The following TRPC1 variants were observed in gnomAD, a reference collection of about 807,000 sequenced individuals.
The protein encoded by TRPC1 is transient receptor potential cation channel subfamily C member 1.
Under a neutral mutation model 88.2 loss-of-function variants are expected in TRPC1, and 42 were observed. That is an observed-to-expected ratio of 0.48 (90% confidence interval 0.37 to 0.62). TRPC1 has a LOEUF of 0.62. Ranked by LOEUF, TRPC1 falls within the 20% of genes least tolerant of loss-of-function variation. The pLI, the probability that TRPC1 is intolerant of heterozygous loss-of-function variation, is 0.00. For missense variants in TRPC1, 699 were observed against 957.3 expected (o/e 0.73, Z 3.56); for synonymous variants, 288 against 331.8 (o/e 0.87, Z 1.43).
chr3:142,797,123 G>A (rs1489038284), intron 9 of TRPC1, among the ~76,000 whole-genome samples: 4 of 150,892 alleles, frequency 2.7e-5, no homozygotes, highest in East Asian at 2.0e-4. Context: ...TTCTGTTTTT[G>A]ACCTCATGCT....
At chr3:142,753,387 T>G (rs1340979873) in intron 4 of TRPC1, among the ~76,000 whole-genome samples, 1 of 152,154 alleles carries the variant, frequency 6.6e-6, no homozygotes, top group African/African-American at 2.4e-5. Flanking sequence ...GAGAAAACAT[T>G]TGTACGAAAT....
chr3:142,734,231 C>T (rs568548385), intron 1 of TRPC1, among the ~76,000 whole-genome samples: 2 of 151,784 alleles, frequency 1.3e-5, no homozygotes, highest in South Asian at 2.1e-4. Flanking sequence ...TGTCATACAG[C>T]GACTACAAAA....
intron 8 of TRPC1, among the ~76,000 whole-genome samples, chr3:142,791,881 A>T (rs913282775): frequency 1.3e-5 from 2 of 152,026 alleles, no homozygotes; most frequent in African/African-American, 4.8e-5. Flanking sequence ...CTTTCATCAG[A>T]ATTTAAGCTC....
At chr3:142,759,691 A>C (rs1380860850) in intron 4 of TRPC1, among the ~76,000 whole-genome samples, 1 of 152,142 alleles carries the variant, frequency 6.6e-6, no homozygotes, top group African/African-American at 2.4e-5. Flanking sequence ...TAGTTTAATT[A>C]GATCCCATTT....
intron 4 of TRPC1, among the ~76,000 whole-genome samples, chr3:142,777,286 C>T (rs1032415845): frequency 5.3e-5 from 8 of 151,946 alleles, no homozygotes; most frequent in African/African-American, 7.3e-5. Flanking sequence ...GGTGACAGAG[C>T]GAGACCCTGT....
chr3:142,728,931 G>A (rs943054126), intron 1 of TRPC1, among the ~76,000 whole-genome samples: 1 of 152,114 alleles, frequency 6.6e-6, no homozygotes, highest in African/African-American at 2.4e-5. Flanking sequence ...AATGTAAGGA[G>A]GTATGTGCTG....
At chr3:142,793,869 CCTGAT>C (rs1343391113) in intron 9 of TRPC1, 18 of 985,060 alleles carry the variant, frequency 1.8e-5, no homozygotes, top group Non-Finnish European at 1.9e-5. Flanking sequence ...ATAGGAAAAA[CCTGAT>C]TTGATTAGGC....
rs1205962128 is a variant in TRPC1 at position 142,776,780 on chromosome 3, G to A, written c.633-852G>A. On this transcript the variant is annotated intron_variant, in intron 4 of 12. Transcript: ENST00000476941. This position sits in a 1 kb window ranked among gnomAD's most constrained non-coding sequence, Gnocchi z 4.1. ...TAGCCAGGCGTGGTGGCACATGCCT[G>A]TAATCCCAGCTACTTGGGAGGCTGA... 1.3e-5 allele frequency among the ~76,000 whole-genome samples: 2 copies of A among 151,928 alleles called. No individual in the cohort carries two copies. Among genetic ancestry groups the A allele is most frequent in the Non-Finnish European group, 2.9e-5 (2 of 68,008 alleles).
In TRPC1 at chr3:142,724,694, G is replaced by A. The variant is rs1204684733; in HGVS notation, c.135G>A (p.Thr45=). 2 of 1,606,090 alleles carry A rather than the reference G, an allele frequency of 1.2e-6. No homozygotes were observed. Among genetic ancestry groups the A allele is most frequent in the Non-Finnish European group, 8.5e-7 (1 of 1,175,038 alleles). ...KDVREVKEEN[T]LNEKLFLLAC... ...TGCGGGAGGTGAAGGAGGAGAATAC[G>A]CTGAATGAGAAGCTTTTCTTGCTGG... The change falls in exon 1 of 13, where the codon ACG becomes ACA. Residue 45 remains threonine, a synonymous_variant. Transcript: ENST00000476941. This position sits in a 1 kb window ranked among gnomAD's most constrained non-coding sequence, Gnocchi z 5.6.
intron 4 of TRPC1, among the ~76,000 whole-genome samples, chr3:142,760,047 C>G (rs542393388): frequency 6.6e-6 from 1 of 152,092 alleles, no homozygotes; most frequent in South Asian, 2.1e-4. Flanking sequence ...AGGATGGTCT[C>G]GATCTCCTGA....
At chr3:142,727,317 T>C (rs1399238416) in intron 1 of TRPC1, among the ~76,000 whole-genome samples, 1 of 152,184 alleles carries the variant, frequency 6.6e-6, no homozygotes, top group Non-Finnish European at 1.5e-5. Context: ...TGCAAAATGT[T>C]CATAACATAT....
chr3:142,747,975 T>C (rs1349464159), intron 3 of TRPC1, among the ~76,000 whole-genome samples: 1 of 152,204 alleles, frequency 6.6e-6, no homozygotes, highest in Non-Finnish European at 1.5e-5. Flanking sequence ...CCCTAAGATA[T>C]TTCTCTAGAT....
chr3:142,757,941 G>C (rs1935035467), intron 4 of TRPC1, among the ~76,000 whole-genome samples: 1 of 152,212 alleles, frequency 6.6e-6, no homozygotes, highest in East Asian at 1.9e-4. Flanking sequence ...ATCCCCTCAA[G>C]CATTTATCCT....
chr3:142,747,967 C>T (rs1350037871), intron 3 of TRPC1, among the ~76,000 whole-genome samples: 1 of 152,008 alleles, frequency 6.6e-6, no homozygotes, highest in Non-Finnish European at 1.5e-5. Context: ...ACACTTTTCC[C>T]TAAGATATTT....
chr3:142,737,402 T>TAA (rs147225612), intron 2 of TRPC1, among the ~76,000 whole-genome samples: 3 of 146,476 alleles, frequency 2.0e-5, no homozygotes, highest in Non-Finnish European at 4.5e-5. Flanking sequence ...ATGTTTGGAG[T>TAA]AAAAAAAAAA....
intron 1 of TRPC1, among the ~76,000 whole-genome samples, chr3:142,730,566 C>G (rs1289330152): frequency 6.7e-6 from 1 of 148,366 alleles, no homozygotes; most frequent in Non-Finnish European, 1.5e-5. Flanking sequence ...TTTGATAAAG[C>G]TACATTTTAA....
rs199857690 is a variant in TRPC1 at position 142,804,633 on chromosome 3, A to G, written c.2154+3A>G. ...TCAAACGGCAAAACAGTTTAAAGGT[A>G]AGAAATTAGAAGCTTGAATGGCAAC... On this transcript the variant is annotated splice_donor_region_variant and intron_variant, in intron 12 of 12. Coordinates refer to ENST00000476941, the MANE Select transcript of TRPC1 (RefSeq NM_001251845.2). 978 of 1,585,094 alleles carry G rather than the reference A, an allele frequency of 6.2e-4. 2 individuals are homozygous for G. The highest frequency in any genetic ancestry group is 1.2e-3 in the Admixed American group (63 of 52,008).
In TRPC1 at chr3:142,743,467, CTTTT is replaced by C; in HGVS notation, c.328-8_328-5del. ...TTTTATCTTCCATTTTCATTTTTAA[CTTTT>C]TTTTTTTTTGAAGTCTGCAGATGCA... On this transcript the variant is annotated splice_polypyrimidine_tract_variant and intron_variant, in intron 2 of 12. Transcript: ENST00000476941. 2.6e-6 allele frequency: 3 copies of C among 1,155,490 alleles called. No homozygotes were observed. Among genetic ancestry groups the C allele is most frequent in the South Asian group, 1.6e-5 (1 of 62,090 alleles). The allele number at this position is 1,155,490 out of a possible 1,614,324, so 71.6% of individuals were successfully genotyped here. A position where few individuals can be genotyped will look rare whatever the true frequency, so the allele number is the denominator to read the frequency against.
At chr3:142,735,620 T>A (rs1389954978) in intron 1 of TRPC1, among the ~76,000 whole-genome samples, 1 of 152,188 alleles carries the variant, frequency 6.6e-6, no homozygotes, top group East Asian at 1.9e-4. Context: ...TGTCATTTCC[T>A]CACATGGGAC....
Sources: gnomAD v4.1 joint callset for allele counts (sites outside exome capture counted in the v4.1 genomes callset) on GRCh38, gnomAD v4.1.1 for gene constraint, Gnocchi (gnomAD v3.1) non-coding constraint, MANE v1.5 for transcripts, NCBI Gene and HGNC (gene_info 2026-07-23, HGNC 2026-07-21) for gene names.